ZBTB7C: variants seen among roughly 807,000 people sequenced by gnomAD.
ZBTB7C encodes zinc finger and BTB domain containing 7C, also known as zinc finger and BTB domain-containing protein 7C.
Under a neutral mutation model 25.7 loss-of-function variants are expected in ZBTB7C, and 8 were observed. The ratio of observed to expected loss-of-function variants is 0.31; its 90% CI spans 0.18 to 0.56. The LOEUF is 0.56. ZBTB7C is among the 20% of genes least tolerant of loss of function. ZBTB7C has a pLI of 0.91. For synonymous variants in ZBTB7C, 394 were observed against 369.0 expected, an observed-to-expected ratio of 1.07 and a Z score of -0.78; for missense variants, 824 against 855.2, an observed-to-expected ratio of 0.96 and a Z score of 0.46.
chr18:48,384,569 A>G (rs2047704016), intron 1 of ZBTB7C, among the ~76,000 whole-genome samples: 1 of 152,248 alleles, frequency 6.6e-6, no homozygotes, highest in South Asian at 2.1e-4. Flanking sequence ...TGTGGGCTAC[A>G]TGCGCTTTGA....
At position 48,284,852 on chromosome 18, in the gene ZBTB7C, C is replaced by G. The variant is rs115165369; in HGVS notation, c.-79+53322G>C. ...AGAAGAAAGAAACATCATCCCCAGC[C>G]TCCTTTGGTTTTATAGTTATCTCAC... On this transcript the variant is annotated intron_variant, in intron 2 of 4. Coordinates refer to ENST00000590800, the MANE Select transcript of ZBTB7C (RefSeq NM_001318841.2). Among the ~76,000 whole-genome samples the G allele has an allele frequency of 7.1e-3, 1,082 of 151,820 alleles. 11 individuals are homozygous for G. The highest frequency in any genetic ancestry group is 0.025 in the African/African-American group (1,036 of 41,384).
intron 3 of ZBTB7C, among the ~76,000 whole-genome samples, chr18:48,102,883 AAGCC>A (rs918281866): frequency 3.3e-4 from 50 of 152,110 alleles, no homozygotes; most frequent in Admixed American, 2.2e-3. Flanking sequence ...TGGAGAAGGG[AAGCC>A]AGCCTTTCAA....
At position 48,027,442 on chromosome 18, in the gene ZBTB7C, T is replaced by G. The variant is rs1269580152; in HGVS notation, c.*1818A>C. On this transcript the variant is annotated 3_prime_UTR_variant, in exon 5 of 5. Coordinates refer to ENST00000590800, the MANE Select transcript of ZBTB7C (RefSeq NM_001318841.2). ...GATGGGGGGGAACACGGGGGCACGTTGGCTGGTGGACATGGGCATGCTTCA... is the reference window on the plus strand; with the variant it reads ...GATGGGGGGGAACACGGGGGCACGTGGGCTGGTGGACATGGGCATGCTTCA... 5 of 151,832 alleles carry G rather than the reference T, an allele frequency of 3.3e-5. No individual in the cohort carries two copies. Among genetic ancestry groups the G allele is most frequent in the Non-Finnish European group, 7.4e-5 (5 of 67,966 alleles). The allele number at this position is 151,832 out of a possible 1,614,324, so 9.4% of individuals were successfully genotyped here.
At chr18:48,374,981 A>G (rs1268197561) in intron 1 of ZBTB7C, among the ~76,000 whole-genome samples, 1 of 151,322 alleles carries the variant, frequency 6.6e-6, no homozygotes, top group Non-Finnish European at 1.5e-5. Flanking sequence ...TCCTCATTCC[A>G]TGGTTTCTTT....
chr18:48,203,732 C>T (rs1944577), intron 2 of ZBTB7C: 34,135 of 152,118 alleles, frequency 0.22, 4,171 homozygotes, highest in South Asian at 0.35. Context: ...TGTCCCGCCA[C>T]TCTTTAAATG....
intron 2 of ZBTB7C, among the ~76,000 whole-genome samples, chr18:48,318,843 G>T (rs1568373219): frequency 6.6e-6 from 1 of 152,128 alleles, no homozygotes; most frequent in South Asian, 2.1e-4. Flanking sequence ...CCCCAAGCAG[G>T]CCCCTTCTTC....
intron 2 of ZBTB7C, among the ~76,000 whole-genome samples, chr18:48,305,044 T>C (rs1232619755): frequency 6.6e-6 from 1 of 152,062 alleles, no homozygotes; most frequent in Non-Finnish European, 1.5e-5. Context: ...TCTTCCTGAA[T>C]TGCAAGAGAG....
intron 3 of ZBTB7C, chr18:48,083,707 A>C: frequency 2.2e-6 from 1 of 452,018 alleles, no homozygotes; most frequent in Non-Finnish European, 2.9e-6. Flanking sequence ...TACAGCAGCA[A>C]AATCCATTTC....
chr18:48,141,141 G>A (rs943051270), intron 3 of ZBTB7C, among the ~76,000 whole-genome samples: 4 of 88,300 alleles, frequency 4.5e-5, no homozygotes, highest in Admixed American at 1.2e-4. Context: ...CATCCCCCCC[G>A]CACCACCCCC....
intron 1 of ZBTB7C, among the ~76,000 whole-genome samples, chr18:48,390,197 A>G (rs558579214): frequency 6.6e-6 from 1 of 152,264 alleles, no homozygotes; most frequent in Non-Finnish European, 1.5e-5. Context: ...AGATAAAGAT[A>G]GGCTAAAACA....
rs549689386 is a variant in ZBTB7C, at chr18:48,127,657, G to A, written c.-17+58277C>T. ...CTCCCCTCGGTTCTCCCCACGTGAG[G>A]CTCACTCGACCTTTCATCCCAGCGT... On this transcript the variant is annotated intron_variant, in intron 3 of 4. Coordinates refer to ENST00000590800, the MANE Select transcript of ZBTB7C (RefSeq NM_001318841.2). 9.7e-4 allele frequency among the ~76,000 whole-genome samples: 148 copies of A among 152,342 alleles called. 1 individual carries two copies. Among genetic ancestry groups the A allele is most frequent in the African/African-American group, 3.5e-3 (145 of 41,574 alleles).
intron 3 of ZBTB7C, among the ~76,000 whole-genome samples, chr18:48,161,975 G>A (rs2041069223): frequency 7.0e-6 from 1 of 141,912 alleles, no homozygotes; most frequent in Admixed American, 6.9e-5. Context: ...CACCGCCCCT[G>A]CCCACGGTTA....
chr18:48,259,401 C>G (rs1275534912), intron 2 of ZBTB7C, among the ~76,000 whole-genome samples: 1 of 147,786 alleles, frequency 6.8e-6, no homozygotes, highest in African/African-American at 2.6e-5. Flanking sequence ...CAAAAGGGAC[C>G]ACTGTCCTTA....
intron 2 of ZBTB7C, among the ~76,000 whole-genome samples, chr18:48,246,174 C>T (rs9965319): frequency 0.54 from 82,625 of 151,866 alleles, 24,102 homozygotes; most frequent in East Asian, 0.67. Flanking sequence ...AAGCTTAGGC[C>T]GGGCGCGGTG....
At chr18:48,157,842 G>A (rs1287426227) in intron 3 of ZBTB7C, among the ~76,000 whole-genome samples, 1 of 152,170 alleles carries the variant, frequency 6.6e-6, no homozygotes, top group African/African-American at 2.4e-5. Context: ...GCCTGCCTCT[G>A]CAACTCCCAA....
intron 1 of ZBTB7C, among the ~76,000 whole-genome samples, chr18:48,347,232 A>C (rs1422906128): frequency 2.7e-5 from 4 of 148,042 alleles, no homozygotes; most frequent in Admixed American, 6.8e-5. Context: ...CGGCCTCCCA[A>C]GTAGCTGGGA....
rs141799327 is a variant in ZBTB7C, at chr18:48,186,913, C to T, written c.-78-918G>A. 2.6e-4 allele frequency among the ~76,000 whole-genome samples: 40 copies of T among 152,252 alleles called. 1 individual carries two copies. The highest frequency in any genetic ancestry group is 9.1e-4 in the African/African-American group (38 of 41,532). The stretch of plus-strand genomic sequence containing the variant: ...GGGCACAAAGCATTTGCTACCTCAG[C>T]GAGGGACAAATTCGACATGACTGAT... On this transcript the variant is annotated intron_variant, in intron 2 of 4. Coordinates refer to ENST00000590800, the MANE Select transcript of ZBTB7C (RefSeq NM_001318841.2).
At chr18:48,248,259 C>T (rs981859732) in intron 2 of ZBTB7C, among the ~76,000 whole-genome samples, 1 of 152,170 alleles carries the variant, frequency 6.6e-6, no homozygotes, top group African/African-American at 2.4e-5. Flanking sequence ...TTTCCTGAGG[C>T]CTCCCCAGCC....
intron 1 of ZBTB7C, among the ~76,000 whole-genome samples, chr18:48,367,949 C>T (rs1336217632): frequency 6.7e-6 from 1 of 150,260 alleles, no homozygotes; most frequent in African/African-American, 2.5e-5. Context: ...ACATGGTGCC[C>T]CCAGCCCTCC....
Sources: gnomAD v4.1 joint callset for allele counts (sites outside exome capture counted in the v4.1 genomes callset) on GRCh38, gnomAD v4.1.1 for gene constraint, MANE v1.5 for transcripts, NCBI Gene and HGNC (gene_info 2026-07-23, HGNC 2026-07-21) for gene names.